Variants in DOCK8 observed in about 807,000 individuals in gnomAD.
The protein encoded by DOCK8 is dedicator of cytokinesis protein 8.
In DOCK8, 141 loss-of-function variants were observed where a neutral mutation model predicts 245.6. The ratio of observed to expected loss-of-function variants is 0.57; its 90% CI spans 0.50 to 0.66. DOCK8 has a LOEUF of 0.66. DOCK8 is among the 30% of genes least tolerant of loss of function. The pLI, the probability that DOCK8 is intolerant of heterozygous loss-of-function variation, is 0.00. For synonymous variants in DOCK8, 1,168 were observed against 970.2 expected, an observed-to-expected ratio of 1.20 and a Z score of -3.79; for missense variants, 2,965 against 2,603.4, an observed-to-expected ratio of 1.14 and a Z score of -3.02.
Position 377,062 on chromosome 9 carries a change from T to G in DOCK8, c.2291T>G (p.Ile764Ser). 6.2e-7 allele frequency: 1 copy of G among 1,613,620 alleles called. No homozygotes were observed. The highest frequency in any genetic ancestry group is 8.5e-7 in the Non-Finnish European group (1 of 1,180,008). Residue 764 changes from isoleucine (I) to serine (S), a missense_variant, in exon 20 of 48, where the codon ATC (isoleucine) becomes AGC (serine). Around this residue, in one of 3 missense-constraint regions of DOCK8, gnomAD observed 2,825 missense variants for 2,453.5 expected, o/e 1.15. Coordinates refer to ENST00000432829, the MANE Select transcript of DOCK8 (RefSeq NM_203447.4). Reference protein sequence around the residue: ...TFPIRVLDQKISEMALEHELK... With the variant: ...TFPIRVLDQKSSEMALEHELK... ...CCCATCCGCGTGCTGGATCAGAAAA[T>G]CAGCGAGATGGCGCTGGAGCATGAG...
chr9:217,343 GT>G (rs35723166), intron 1 of DOCK8, among the ~76,000 whole-genome samples: 2 of 152,198 alleles, frequency 1.3e-5, no homozygotes, highest in South Asian at 4.1e-4. Context: ...GCAGAGATCA[GT>G]TTGGGTTAGG....
chr9:275,397 T>G (rs1244977057), intron 2 of DOCK8, among the ~76,000 whole-genome samples: 20 of 152,070 alleles, frequency 1.3e-4, no homozygotes, highest in Admixed American at 1.3e-3. Flanking sequence ...GGCAAAGGCT[T>G]GATTGAGAAG....
In DOCK8 at chr9:344,443, C is replaced by T. The variant is rs74460079; in HGVS notation, c.1679+4122C>T. On this transcript the variant is annotated intron_variant, in intron 14 of 47. Transcript: ENST00000432829. The stretch of plus-strand genomic sequence containing the variant: ...ATTGGGCTTGACAGTTACCCAGTCC[C>T]AGATGAGTGTCCCCTTTCCTGCACC... Among the ~76,000 whole-genome samples the T allele has an allele frequency of 1.0e-2, 1,515 of 152,228 alleles. 20 individuals carry two copies. Among genetic ancestry groups the T allele is most frequent in the African/African-American group, 0.035 (1,446 of 41,510 alleles).
intron 2 of DOCK8, among the ~76,000 whole-genome samples, chr9:278,620 C>T (rs2048453026): frequency 6.6e-6 from 1 of 152,180 alleles, no homozygotes; most frequent in African/African-American, 2.4e-5. Flanking sequence ...TCCGTGAAGG[C>T]CTCTATCTAG....
In DOCK8 at chr9:286,558, A is replaced by T. The variant is rs1325083330; in HGVS notation, c.254A>T (p.Asp85Val). ...GTGCAGCTTGCCCAGGAGCTCGGGG[A>T]CTTCACTGATGACGACTTGGACGTG... ...LDVQLAQELG[D>V]FTDDDLDVVF... Residue 85 changes from aspartate (D) to valine (V), a missense_variant, in exon 3 of 48, where the codon GAC becomes GTC. This residue lies in a region of DOCK8 where 2,825 missense variants were observed against 2,453.5 expected (regional missense o/e 1.15). Coordinates refer to ENST00000432829, the MANE Select transcript of DOCK8 (RefSeq NM_203447.4). The T allele has an allele frequency of 6.2e-7, 1 of 1,613,984 alleles. No individual in the cohort carries two copies. The highest frequency in any genetic ancestry group is 1.1e-5 in the South Asian group (1 of 91,084).
intron 40 of DOCK8, 105 bp from the exon 41 acceptor site, chr9:441,180 CA>C: frequency 6.6e-7 from 1 of 1,522,000 alleles, no homozygotes; most frequent in Non-Finnish European, 9.1e-7. Context: ...TGTGATACAA[CA>C]ATAAATTCAC....
At chr9:370,972 G>T (rs1315954051) in intron 16 of DOCK8, among the ~76,000 whole-genome samples, 2 of 152,156 alleles carry the variant, frequency 1.3e-5, no homozygotes, top group East Asian at 1.9e-4. Context: ...AATTAATGAA[G>T]AACCTAGGGC....
At chr9:215,326 C>A in intron 1 of DOCK8, 1 of 1,603,360 alleles carries the variant, frequency 6.2e-7, no homozygotes, top group Non-Finnish European at 8.5e-7. Context: ...CAGGTTCTTA[C>A]AGGTGGCCGG....
chr9:281,801 T>C (rs2048598593), intron 2 of DOCK8, among the ~76,000 whole-genome samples: 2 of 152,234 alleles, frequency 1.3e-5, no homozygotes, highest in South Asian at 2.1e-4. Flanking sequence ...TTAACAGTAG[T>C]TAGGGTCTCC....
chr9:280,064 T>C (rs1242709722), intron 2 of DOCK8, among the ~76,000 whole-genome samples: 1 of 152,252 alleles, frequency 6.6e-6, no homozygotes, highest in African/African-American at 2.4e-5. Flanking sequence ...ATTTTCAATT[T>C]GAGAACAAAT....
At chr9:451,214 G>C (rs535939077) in intron 45 of DOCK8, among the ~76,000 whole-genome samples, 1 of 152,042 alleles carries the variant, frequency 6.6e-6, no homozygotes, top group Non-Finnish European at 1.5e-5. Context: ...GGGAGGCTGA[G>C]GCAGGAGAAT....
intron 1 of DOCK8, 47 bp downstream of exon 1, chr9:215,076 G>A (rs1041073669): frequency 6.5e-7 from 1 of 1,540,066 alleles, no homozygotes; most frequent in Non-Finnish European, 8.7e-7. Context: ...ACAGCCCAGC[G>A]CTGGTGTGAA....
At chr9:300,319 TATC>T (rs2049478186) in intron 4 of DOCK8, among the ~76,000 whole-genome samples, 1 of 152,184 alleles carries the variant, frequency 6.6e-6, no homozygotes, top group Non-Finnish European at 1.5e-5. Context: ...TTTCTTACTT[TATC>T]TATCTGGCAT....
chr9:250,042 C>T (rs1234404811), intron 1 of DOCK8, among the ~76,000 whole-genome samples: 2 of 152,146 alleles, frequency 1.3e-5, no homozygotes, highest in Admixed American at 6.5e-5. Context: ...CTTTATAGCA[C>T]AGGCTTTGGC....
intron 26 of DOCK8, among the ~76,000 whole-genome samples, chr9:402,839 G>C (rs959889938): frequency 2.0e-5 from 3 of 152,074 alleles, no homozygotes; most frequent in African/African-American, 7.2e-5. Context: ...GAAGTTTTTG[G>C]AATGCACCTT....
chr9:298,356 C>T (rs1328787898), intron 4 of DOCK8, among the ~76,000 whole-genome samples: 2 of 152,120 alleles, frequency 1.3e-5, no homozygotes, highest in Admixed American at 6.5e-5. Context: ...ACTCGGGAGG[C>T]GGAGGTTGCA....
intron 39 of DOCK8, 36 bp from the exon 40 acceptor site, chr9:439,209 C>T (rs2057004672): frequency 6.2e-7 from 1 of 1,613,890 alleles, no homozygotes; most frequent in South Asian, 1.1e-5. Context: ...AGTCTGGTCG[C>T]CCTGTTCTCC....
intron 28 of DOCK8, among the ~76,000 whole-genome samples, chr9:408,042 A>G (rs1229134421): frequency 6.6e-6 from 1 of 152,122 alleles, no homozygotes; most frequent in East Asian, 1.9e-4. Context: ...ACTCTCCTAT[A>G]CCAAACCATC....
Position 334,382 on chromosome 9 carries a change from T to C in DOCK8, c.1283T>C (p.Val428Ala). 1 of 1,612,026 alleles carries C rather than the reference T, an allele frequency of 6.2e-7. No homozygotes were observed. Among genetic ancestry groups the C allele is most frequent in the Non-Finnish European group, 8.5e-7 (1 of 1,178,470 alleles). The stretch of plus-strand genomic sequence containing the variant: ...GAGGTAACTGATGTGGACTCTGTGG[T>C]TGGTAAGATTTTCACCTGCAGTGGG... The part of the protein sequence containing the change: ...EREVTDVDSV[V>A]GRSSVGERRT... The change falls in exon 11 of 48, where the codon GTT becomes GCT. Residue 428 changes from valine (V) to alanine (A), a missense_variant and splice_region_variant. By Grantham distance (64) the Val-to-Ala change is moderately conservative (BLOSUM62 0). Coordinates refer to ENST00000432829, the MANE Select transcript of DOCK8 (RefSeq NM_203447.4).
Sources: allele counts gnomAD v4.1 joint callset (sites outside exome capture counted in the v4.1 genomes callset), GRCh38; gene constraint gnomAD v4.1.1; regional missense constraint gnomAD v4.1.1; transcripts MANE v1.5; gene names NCBI Gene and HGNC (gene_info 2026-07-23, HGNC 2026-07-21).